The following FRMD4B variants were observed in gnomAD, a reference collection of about 807,000 sequenced individuals.
FRMD4B encodes FERM domain containing 4B.
In FRMD4B, 74 loss-of-function variants were observed where a neutral mutation model predicts 141.5. The observed-to-expected ratio is 0.52, with a 90% CI of 0.43 to 0.63. FRMD4B has a LOEUF of 0.63. FRMD4B is among the 30% of genes least tolerant of loss of function. FRMD4B has a pLI of 0.00. For synonymous variants in FRMD4B, 506 were observed against 467.9 expected (o/e 1.08, Z -1.05); for missense variants, 1,366 against 1,253.4 (o/e 1.09, Z -1.36).
At chr3:69,268,431 C>T (rs2106914430) in intron 5 of FRMD4B, among the ~76,000 whole-genome samples, 1 of 152,064 alleles carries the variant, frequency 6.6e-6, no homozygotes, top group South Asian at 2.1e-4. Flanking sequence ...CACTTAGAAC[C>T]AAGCTCTCAA....
intron 2 of FRMD4B, among the ~76,000 whole-genome samples, chr3:69,432,468 G>C (rs1364420190): frequency 1.3e-5 from 2 of 152,078 alleles, no homozygotes; most frequent in Non-Finnish European, 2.9e-5. Flanking sequence ...TCATTTGCTA[G>C]TAATGTAAAT....
intron 1 of FRMD4B, among the ~76,000 whole-genome samples, chr3:69,530,118 T>C (rs1559554617): frequency 1.3e-5 from 2 of 152,270 alleles, no homozygotes; most frequent in Non-Finnish European, 2.9e-5. Flanking sequence ...TCTGCAGCCA[T>C]TCTTGCCCTA....
intron 19 of FRMD4B, among the ~76,000 whole-genome samples, chr3:69,183,547 A>C (rs1160990944): frequency 3.4e-5 from 4 of 119,112 alleles, no homozygotes; most frequent in East Asian, 5.6e-4. Flanking sequence ...CAGTGGTGTG[A>C]TTTTGGCTCA....
intron 1 of FRMD4B, among the ~76,000 whole-genome samples, chr3:69,457,777 C>T (rs1264554766): frequency 6.6e-6 from 1 of 152,202 alleles, no homozygotes; most frequent in Non-Finnish European, 1.5e-5. Context: ...GACCCTTGCG[C>T]CCACAATCAC....
chr3:69,288,673 C>A (rs558462377), intron 4 of FRMD4B, among the ~76,000 whole-genome samples: 1 of 152,144 alleles, frequency 6.6e-6, no homozygotes, highest in African/African-American at 2.4e-5. Flanking sequence ...GCTGGGGCCC[C>A]GAAGTTTTCC....
intron 1 of FRMD4B, among the ~76,000 whole-genome samples, chr3:69,332,536 G>A (rs1035805187): frequency 2.6e-5 from 4 of 152,008 alleles, no homozygotes; most frequent in African/African-American, 7.2e-5. Flanking sequence ...GGTCACAAAG[G>A]TAAATGAGAC....
intron 3 of FRMD4B, among the ~76,000 whole-genome samples, chr3:69,302,729 G>A (rs1701256759): frequency 6.6e-6 from 1 of 152,178 alleles, no homozygotes; most frequent in African/African-American, 2.4e-5. Context: ...AGCAAAAGGG[G>A]TGGAAATAAC....
chr3:69,338,278 C>T (rs918942541), intron 1 of FRMD4B, among the ~76,000 whole-genome samples: 3 of 151,826 alleles, frequency 2.0e-5, no homozygotes, highest in Admixed American at 6.6e-5. Context: ...GGATGCAGAA[C>T]GGGGAACATC....
chr3:69,218,876 C>T (rs2093166370), intron 9 of FRMD4B, among the ~76,000 whole-genome samples: 1 of 152,010 alleles, frequency 6.6e-6, no homozygotes, highest in Non-Finnish European at 1.5e-5. Flanking sequence ...AAATATGTCC[C>T]CCCAGGCTGG....
At chr3:69,467,721 C>T (rs766827934) in intron 1 of FRMD4B, among the ~76,000 whole-genome samples, 1 of 152,170 alleles carries the variant, frequency 6.6e-6, no homozygotes, top group Non-Finnish European at 1.5e-5. Context: ...CCTCCCAACT[C>T]CAGAAGAAGA....
At chr3:69,326,628 C>T (rs781177633) in intron 1 of FRMD4B, among the ~76,000 whole-genome samples, 2 of 152,170 alleles carry the variant, frequency 1.3e-5, no homozygotes, top group African/African-American at 4.8e-5. Flanking sequence ...TGAGATTCCA[C>T]GAAGTTGAGA....
Position 69,180,960 on chromosome 3 carries a change from C to G in FRMD4B, c.2790G>C (p.Leu930=), listed in dbSNP as rs771301646. The change falls in exon 21 of 23, where the codon CTG becomes CTC. Residue 930 remains leucine (L), a synonymous_variant. Coordinates refer to ENST00000398540, the MANE Select transcript of FRMD4B (RefSeq NM_015123.3). ...FDSDRGSQRC[L]GFAGLQVPCS... ...AAGGTACTTGCAGCCCCGCAAACCC[C>G]AGGCATCTCTGTGATCCCCTGTCTG... 5 of 1,613,874 alleles carry G rather than the reference C, an allele frequency of 3.1e-6. No individual in the cohort carries two copies. The Admixed American group carries it at 8.3e-5, about 27-fold the overall frequency.
intron 1 of FRMD4B, among the ~76,000 whole-genome samples, chr3:69,325,287 A>C (rs1702156653): frequency 6.6e-6 from 1 of 152,214 alleles, no homozygotes; most frequent in South Asian, 2.1e-4. Flanking sequence ...AAGGCTGGCC[A>C]GTCAATGGAC....
chr3:69,402,610 T>G lies in FRMD4B; in HGVS notation c.-1+30024A>C, dbSNP rs190526530. On this transcript the variant is annotated intron_variant, in intron 2 of 5. Coordinates refer to the FRMD4B transcript ENST00000459638. ...AACACAGTATCTCAGATATAGGAGG[T>G]GCGTAATTCATATATGTAGGGCTGA... Among the ~76,000 whole-genome samples the G allele has an allele frequency of 6.2e-3, 944 of 152,256 alleles. 6 individuals carry two copies. The highest frequency in any genetic ancestry group is 0.011 in the Non-Finnish European group (770 of 68,018).
intron 4 of FRMD4B, among the ~76,000 whole-genome samples, chr3:69,297,962 A>G (rs1701084873): frequency 6.6e-6 from 1 of 152,220 alleles, no homozygotes; most frequent in South Asian, 2.1e-4. Flanking sequence ...CATAAAGGGA[A>G]CACTACATGC....
chr3:69,170,933 CTT>C lies in FRMD4B; in HGVS notation c.*926_*927del, dbSNP rs1040669987. 3 of 150,958 alleles carry C rather than the reference CTT, an allele frequency of 2.0e-5. No individual in the cohort carries two copies. The highest frequency in any genetic ancestry group is 4.4e-5 in the Non-Finnish European group (3 of 67,756). 9.4% of individuals were successfully genotyped at this position (150,958 alleles called of 1,614,324 possible). ...ACGCAATTCATCTAAAATGACGTGG[CTT>C]TTTTTTTCTGTTGTTTTGGATACTT... On this transcript the variant is annotated 3_prime_UTR_variant, in exon 23 of 23. Transcript: ENST00000398540.
chr3:69,273,786 G>C (rs1260677211), intron 5 of FRMD4B, among the ~76,000 whole-genome samples: 2 of 152,152 alleles, frequency 1.3e-5, no homozygotes, highest in African/African-American at 4.8e-5. Context: ...TTAAGAGGTA[G>C]TGCAGTTGCG....
rs1401828036 is a variant in FRMD4B, at chr3:69,530,409, C to T, written c.-129+11797G>A. ...AGAGTCTGGCATGCCCCAACCCTCACCTCTTCCCTCCTCTCTCATCATGTA... is the reference window on the plus strand; with the variant it reads ...AGAGTCTGGCATGCCCCAACCCTCATCTCTTCCCTCCTCTCTCATCATGTA... On this transcript the variant is annotated intron_variant, in intron 1 of 5. Transcript: ENST00000459638. Among the ~76,000 whole-genome samples, 6 of 152,266 alleles carry T rather than the reference C, an allele frequency of 3.9e-5. No homozygotes were observed. The East Asian group carries it at 1.2e-3, about 29-fold the overall frequency.
chr3:69,426,959 A>C (rs913239769), intron 2 of FRMD4B, among the ~76,000 whole-genome samples: 2 of 152,192 alleles, frequency 1.3e-5, no homozygotes, highest in African/African-American at 4.8e-5. Context: ...GATTTTGGAA[A>C]TGTGACTATT....
Sources: gnomAD v4.1 joint callset for allele counts (sites outside exome capture counted in the v4.1 genomes callset) on GRCh38, gnomAD v4.1.1 for gene constraint, MANE v1.5 for transcripts, NCBI Gene and HGNC (gene_info 2026-07-23, HGNC 2026-07-21) for gene names.